SAP130: variants seen among roughly 807,000 people sequenced by gnomAD.
SAP130 encodes Sin3A associated protein 130.
SAP130 carries 16 observed loss-of-function variants against 103.2 expected under a neutral mutation model. That is an observed-to-expected ratio of 0.16 (90% CI 0.10 to 0.24). The LOEUF is 0.24. SAP130 is among the 10% of genes least tolerant of loss of function. The pLI, the probability that SAP130 is intolerant of heterozygous loss-of-function variation, is 1.00. For missense variants in SAP130, 990 were observed against 1,359.7 expected, an observed-to-expected ratio of 0.73 and a Z score of 4.28; for synonymous variants, 477 against 497.0, an observed-to-expected ratio of 0.96 and a Z score of 0.53.
chr2:127,977,691 G>A (rs1164154154), intron 15 of SAP130, among the ~76,000 whole-genome samples: 2 of 152,206 alleles, frequency 1.3e-5, no homozygotes, highest in African/African-American at 4.8e-5. Context: ...ATGGGAATCA[G>A]AGAGGTTGAA....
chr2:128,000,422 G>C lies in SAP130; in HGVS notation c.902C>G (p.Ser301Cys), dbSNP rs200102758. The C allele has an allele frequency of 1.7e-5, 28 of 1,614,044 alleles. No homozygotes were observed. The highest frequency in any genetic ancestry group is 3.3e-4 in the Middle Eastern group (2 of 6,084). ...RPTLSIQHPP[S>C]AAISIQRPAQ... ...AGGACGCTGAATACTGATTGCTGCA[G>C]ATGGAGGATGCTGGATAGACAAGGT... The change falls in exon 8 of 21, where the codon TCT (serine) becomes TGT (cysteine). Residue 301 changes from serine (S) to cysteine (C), a missense_variant. Physicochemically the swap from Ser to Cys is moderately radical, Grantham distance 112 (BLOSUM62 -1). Around this residue, in one of 6 missense-constraint regions of SAP130, gnomAD observed 336 missense variants for 520.1 expected, o/e 0.65. Coordinates refer to ENST00000643581, the MANE Select transcript of SAP130 (RefSeq NM_001330301.2).
At chr2:127,990,188 TAC>T (rs1381281119) in intron 12 of SAP130, among the ~76,000 whole-genome samples, 1 of 151,940 alleles carries the variant, frequency 6.6e-6, no homozygotes, top group Admixed American at 6.6e-5. Flanking sequence ...ACGTCAGAAA[TAC>T]ACCCAGAGGT....
At chr2:128,019,258 T>A (rs1684991216) in intron 2 of SAP130, among the ~76,000 whole-genome samples, 2 of 151,306 alleles carry the variant, frequency 1.3e-5, no homozygotes, top group Admixed American at 6.6e-5. Context: ...ATTTAAAAAT[T>A]TTTTTTAATT....
intron 7 of SAP130, among the ~76,000 whole-genome samples, chr2:128,007,423 A>G (rs1215914476): frequency 1.3e-5 from 2 of 152,206 alleles, no homozygotes; most frequent in African/African-American, 4.8e-5. Context: ...CTTGGATTTC[A>G]GCATCTGCAG....
intron 14 of SAP130, 112 bp from the exon 15 acceptor site, chr2:127,978,201 T>C (rs1441210062): frequency 3.3e-5 from 24 of 721,330 alleles, no homozygotes; most frequent in Admixed American, 9.6e-5. Flanking sequence ...AAGCCCTACA[T>C]TGACTAAGTA....
At chr2:128,027,393 A>C (rs935065218) in intron 1 of SAP130, 9 of 1,137,370 alleles carry the variant, frequency 7.9e-6, no homozygotes, top group Non-Finnish European at 9.7e-6. Context: ...CTGCACGTTC[A>C]GAGCCCGCCC....
At chr2:127,965,284 A>G (rs886628397) in intron 15 of SAP130, among the ~76,000 whole-genome samples, 2 of 152,084 alleles carry the variant, frequency 1.3e-5, no homozygotes, top group African/African-American at 4.8e-5. Context: ...CAACAGAGCG[A>G]GACTCCGTCT....
chr2:128,005,617 A>C (rs1428532127), intron 7 of SAP130, among the ~76,000 whole-genome samples: 3 of 152,260 alleles, frequency 2.0e-5, no homozygotes, highest in East Asian at 1.9e-4. Context: ...AAAAGAAAAA[A>C]AAACAAACAA....
At chr2:127,965,164 G>A (rs1303735184) in intron 15 of SAP130, among the ~76,000 whole-genome samples, 1 of 152,012 alleles carries the variant, frequency 6.6e-6, no homozygotes, top group African/African-American at 2.4e-5. Flanking sequence ...GGGCATGGTG[G>A]TGTGCACCTG....
intron 9 of SAP130, 101 bp downstream of exon 9, chr2:127,999,954 GC>G: frequency 6.9e-7 from 1 of 1,449,544 alleles, no homozygotes; most frequent in Admixed American, 1.8e-5. Context: ...AATTTTTCTA[GC>G]CCGTTGTTTT....
chr2:127,985,612 T>C (rs1343930805), intron 14 of SAP130, among the ~76,000 whole-genome samples: 1 of 152,060 alleles, frequency 6.6e-6, no homozygotes, highest in Admixed American at 6.5e-5. Flanking sequence ...CTTCAGAATT[T>C]GTTTGCCCAC....
chr2:127,956,484 C>T (rs1413413633), intron 15 of SAP130, among the ~76,000 whole-genome samples: 7 of 146,620 alleles, frequency 4.8e-5, no homozygotes, highest in African/African-American at 1.3e-4. Context: ...TGTTCTCACT[C>T]ATAGGTGGGA....
In SAP130 at chr2:128,000,126, G is replaced by A; in HGVS notation, c.1038C>T (p.Gly346=). The A allele has an allele frequency of 1.2e-6, 2 of 1,614,188 alleles. No homozygotes were observed. Among genetic ancestry groups the A allele is most frequent in the South Asian group, 2.2e-5 (2 of 91,092 alleles). Residue 346 remains glycine, a synonymous_variant, in exon 9 of 21, where the codon GGC becomes GGT. Coordinates refer to ENST00000643581, the MANE Select transcript of SAP130 (RefSeq NM_001330301.2). ...CTACTGTGGCTGCAGCCACTGGCGT[G>A]CCAGTACTGAAGATTGTTTTCTGTG... The part of the protein sequence containing the change: ...TMAQKTIFST[G]TPVAAATVAP...
chr2:128,010,158 T>TAAA, intron 7 of SAP130, 111 bp downstream of exon 7: 1 of 965,658 alleles, frequency 1.0e-6, no homozygotes. Context: ...TAGCTCATTA[T>TAAA]AAAAAAAAAA....
rs187121574 is a variant in SAP130 at position 127,946,533 on chromosome 2, T to C, written c.2798-974A>G. 3.4e-3 allele frequency among the ~76,000 whole-genome samples: 518 copies of C among 152,174 alleles called. 1 individual carries two copies. The highest frequency in any genetic ancestry group is 6.8e-3 in the Middle Eastern group (2 of 294). ...TTAGCTTTTGTTGTGGGTTGAATGG[T>C]TTTCCCCCCAAAGACATGTTGAAGA... On this transcript the variant is annotated intron_variant, in intron 18 of 20. Coordinates refer to ENST00000643581, the MANE Select transcript of SAP130 (RefSeq NM_001330301.2).
At chr2:127,982,444 AT>A (rs1682020281) in intron 14 of SAP130, among the ~76,000 whole-genome samples, 1 of 152,200 alleles carries the variant, frequency 6.6e-6, no homozygotes, top group Non-Finnish European at 1.5e-5. Context: ...CACCGTAAGT[AT>A]TATAGATGTG....
At chr2:127,961,162 G>C (rs1011890107) in intron 15 of SAP130, among the ~76,000 whole-genome samples, 4 of 151,292 alleles carry the variant, frequency 2.6e-5, no homozygotes, top group African/African-American at 9.7e-5. Flanking sequence ...ACTAATTTTT[G>C]TATTTTTTGT....
At chr2:127,966,731 T>C (rs1349433102) in intron 15 of SAP130, among the ~76,000 whole-genome samples, 1 of 152,158 alleles carries the variant, frequency 6.6e-6, no homozygotes, top group Non-Finnish European at 1.5e-5. Flanking sequence ...GGACCCTCTG[T>C]GTTTTGCTTT....
chr2:128,020,362 C>T (rs962058387), intron 2 of SAP130, among the ~76,000 whole-genome samples: 1 of 152,294 alleles, frequency 6.6e-6, no homozygotes, highest in East Asian at 1.9e-4. Context: ...CCTTGTAACA[C>T]TATAGATTAG....
Sources: gnomAD v4.1 joint callset for allele counts (sites outside exome capture counted in the v4.1 genomes callset) on GRCh38, gnomAD v4.1.1 for gene constraint, gnomAD v4.1.1 regional missense constraint, MANE v1.5 for transcripts, NCBI Gene and HGNC (gene_info 2026-07-23, HGNC 2026-07-21) for gene names.